DLGAP1: variants seen among roughly 807,000 people sequenced by gnomAD.
DLGAP1 encodes DLG associated protein 1.
DLGAP1 carries 11 observed loss-of-function variants against 90.8 expected under a neutral mutation model. The ratio of observed to expected loss-of-function variants is 0.12; its 90% CI spans 0.08 to 0.20. DLGAP1 has a LOEUF of 0.20. Ranked by LOEUF, DLGAP1 falls within the 10% of genes least tolerant of loss-of-function variation. The probability of loss-of-function intolerance (pLI) is 1.00; values close to 1 mark genes in which losing one functional copy is unlikely to be tolerated. For synonymous variants in DLGAP1, 558 were observed against 540.7 expected (o/e 1.03, Z -0.44); for missense variants, 1,050 against 1,333.8 (o/e 0.79, Z 3.31).
intron 7 of DLGAP1, among the ~76,000 whole-genome samples, chr18:3,675,319 C>A (rs984727909): frequency 6.6e-6 from 1 of 152,178 alleles, no homozygotes; most frequent in African/African-American, 2.4e-5. Flanking sequence ...AGGTAATCCG[C>A]CGGCCTCAGC....
At chr18:4,380,950 A>G (rs2082102350) in intron 1 of DLGAP1, among the ~76,000 whole-genome samples, 1 of 152,322 alleles carries the variant, frequency 6.6e-6, no homozygotes, top group Non-Finnish European at 1.5e-5. Context: ...CAGATGTATT[A>G]CAGTGTGAGG....
chr18:4,327,984 A>G (rs950571950), intron 1 of DLGAP1, among the ~76,000 whole-genome samples: 1 of 150,818 alleles, frequency 6.6e-6, no homozygotes, highest in Non-Finnish European at 1.5e-5. Context: ...TATAATACGA[A>G]AAGACTGAAT....
chr18:3,802,859 G>A (rs2066375909), intron 5 of DLGAP1, among the ~76,000 whole-genome samples: 1 of 152,116 alleles, frequency 6.6e-6, no homozygotes, highest in Non-Finnish European at 1.5e-5. Flanking sequence ...TTGCTGAAGA[G>A]CTTAAGCGAG....
At chr18:4,189,170 G>A (rs976724775) in intron 1 of DLGAP1, among the ~76,000 whole-genome samples, 14 of 152,066 alleles carry the variant, frequency 9.2e-5, no homozygotes, top group African/African-American at 2.9e-4. Context: ...ACTAGGGCCT[G>A]CTTGTTACCA....
intron 4 of DLGAP1, among the ~76,000 whole-genome samples, chr18:3,837,848 T>TTAAA (rs1491483646): frequency 3.0e-5 from 1 of 33,762 alleles, no homozygotes; most frequent in Non-Finnish European, 4.8e-5. Context: ...TGAGATTCTG[T>TTAAA]CAAAAAAAAA....
chr18:4,318,161 T>G (rs1034199323), intron 1 of DLGAP1, among the ~76,000 whole-genome samples: 10 of 152,090 alleles, frequency 6.6e-5, no homozygotes, highest in African/African-American at 2.4e-4. Context: ...TATGAGAAAG[T>G]GATATTAAAA....
chr18:3,636,794 C>T (rs906463629), intron 7 of DLGAP1, among the ~76,000 whole-genome samples: 2 of 147,246 alleles, frequency 1.4e-5, no homozygotes, highest in South Asian at 2.2e-4. Flanking sequence ...GAGTGATCTC[C>T]GCTCACTGCA....
intron 1 of DLGAP1, among the ~76,000 whole-genome samples, chr18:4,200,555 T>C (rs1172057378): frequency 6.6e-6 from 1 of 151,602 alleles, no homozygotes; most frequent in Non-Finnish European, 1.5e-5. Flanking sequence ...CTAATATTTA[T>C]ACCTAATATT....
At chr18:4,053,398 G>A in intron 2 of DLGAP1, among the ~76,000 whole-genome samples, 1 of 152,164 alleles carries the variant, frequency 6.6e-6, no homozygotes. Flanking sequence ...CACAAGAACA[G>A]ATTGGAAGGT....
rs1336612456 is a variant in DLGAP1, at chr18:4,355,741, TC to T, written c.-267+99264del. On this transcript the variant is annotated intron_variant, in intron 1 of 12. Transcript: ENST00000315677. ...TAAAGTTACATGGGACAATCCGGGATCTTTTTTTTTTTTTTTTTTGCAATTT... is the reference window on the plus strand; with the variant it reads ...TAAAGTTACATGGGACAATCCGGGATTTTTTTTTTTTTTTTTTTGCAATTT... 1.0e-3 allele frequency among the ~76,000 whole-genome samples: 73 copies of T among 72,950 alleles called. 1 individual carries two copies. Among genetic ancestry groups the T allele is most frequent in the African/African-American group, 3.1e-3 (70 of 22,648 alleles). 47.9% of individuals were successfully genotyped at this position (72,950 alleles called of 152,430 possible).
rs115218983 is a variant in DLGAP1, at chr18:3,979,727, A to T, written c.-73+25389T>A. On this transcript the variant is annotated intron_variant, in intron 3 of 12. Transcript: ENST00000315677. ...ATGTTCTTACCACAAAAAATGATAA[A>T]TTGGGAGATGACAGGTATGTTAATT... is the stretch of plus-strand genomic sequence containing the variant. Among the ~76,000 whole-genome samples the T allele has an allele frequency of 9.2e-3, 1,401 of 152,370 alleles. 24 individuals are homozygous for T. The highest frequency in any genetic ancestry group is 0.032 in the African/African-American group (1,326 of 41,588).
At chr18:4,341,286 A>T (rs1261648307) in intron 1 of DLGAP1, among the ~76,000 whole-genome samples, 2 of 152,164 alleles carry the variant, frequency 1.3e-5, no homozygotes, top group East Asian at 1.9e-4. Flanking sequence ...TACTAATTAT[A>T]CATCATGCAC....
In DLGAP1 at chr18:3,745,753, G is replaced by A. The variant is rs1032987145; in HGVS notation, c.1173-3241C>T. ...TGCCCAGGCTGGAGTGCAGTAGTGC[G>A]ATCTCAGCTCACTGCAATCTCTGCC... On this transcript the variant is annotated intron_variant, in intron 5 of 12. Coordinates refer to ENST00000315677, the MANE Select transcript of DLGAP1 (RefSeq NM_004746.4). Among the ~76,000 whole-genome samples, 9 of 151,154 alleles carry A rather than the reference G, an allele frequency of 6.0e-5. No homozygotes were observed. In the East Asian group the frequency reaches 1.6e-3, roughly 26 times the overall value.
At chr18:3,582,607 G>A (rs658857) in intron 7 of DLGAP1, among the ~76,000 whole-genome samples, 74,572 of 152,038 alleles carry the variant, frequency 0.49, 18,362 homozygotes, top group African/African-American at 0.55. Flanking sequence ...GGGAGTTTCT[G>A]TCTTCAGGGA....
chr18:3,513,056 C>T (rs372270082), intron 10 of DLGAP1, among the ~76,000 whole-genome samples: 4 of 152,192 alleles, frequency 2.6e-5, no homozygotes, highest in East Asian at 1.9e-4. Flanking sequence ...ATGGCACCCA[C>T]CGTTCCACTC....
intron 1 of DLGAP1, among the ~76,000 whole-genome samples, chr18:4,272,337 C>A (rs1053979475): frequency 6.6e-6 from 1 of 152,038 alleles, no homozygotes; most frequent in African/African-American, 2.4e-5. Flanking sequence ...GTTTATTTTA[C>A]CTTTTTTTGT....
intron 1 of DLGAP1, among the ~76,000 whole-genome samples, chr18:4,224,697 AG>A (rs1451470904): frequency 6.6e-6 from 1 of 150,718 alleles, no homozygotes; most frequent in African/African-American, 2.4e-5. Context: ...AGCACCAGGT[AG>A]GTTCCAAAGG....
chr18:3,819,175 T>C (rs1256331570), intron 4 of DLGAP1, among the ~76,000 whole-genome samples: 1 of 151,884 alleles, frequency 6.6e-6, no homozygotes, highest in Non-Finnish European at 1.5e-5. Context: ...CCAGGCGTGA[T>C]GGTGGGTGCC....
Position 4,378,114 on chromosome 18 carries a change from G to T in DLGAP1, c.-267+76892C>A, listed in dbSNP as rs1483677055. Among the ~76,000 whole-genome samples, 1 of 147,244 alleles carries T rather than the reference G, an allele frequency of 6.8e-6. No homozygotes were observed. Among genetic ancestry groups the T allele is most frequent in the Non-Finnish European group, 1.5e-5 (1 of 67,046 alleles). On this transcript the variant is annotated intron_variant, in intron 1 of 12. Transcript: ENST00000315677. This position sits in a 1 kb window ranked among gnomAD's most constrained non-coding sequence, Gnocchi z 4.5. The stretch of plus-strand genomic sequence containing the variant: ...TTTTTCTAATATATAACATATATTA[G>T]AAATATTGTATATAAAATTTATATT...
Sources: allele counts gnomAD v4.1 joint callset (sites outside exome capture counted in the v4.1 genomes callset), GRCh38; gene constraint gnomAD v4.1.1; non-coding constraint Gnocchi (gnomAD v3.1); transcripts MANE v1.5; gene names NCBI Gene and HGNC (gene_info 2026-07-23, HGNC 2026-07-21).